SLC25A21: variants seen among roughly 807,000 people sequenced by gnomAD.
SLC25A21 encodes the protein mitochondrial 2-oxodicarboxylate carrier.
Under a neutral mutation model 43.8 loss-of-function variants are expected in SLC25A21, and 47 were observed. That is an observed-to-expected ratio of 1.07 (90% CI 0.85 to 1.37). The LOEUF is 1.37. SLC25A21 is among the 40% of genes most tolerant of loss of function. SLC25A21 has a pLI of 0.00. For synonymous variants in SLC25A21, 131 were observed against 121.3 expected (o/e 1.08, Z -0.52); for missense variants, 352 against 350.2 (o/e 1.00, Z -0.04).
chr14:36,690,605 G>C (rs959420360), intron 7 of SLC25A21, among the ~76,000 whole-genome samples: 2 of 152,198 alleles, frequency 1.3e-5, no homozygotes, highest in Non-Finnish European at 2.9e-5. Flanking sequence ...CTGGGTGCTA[G>C]AGTTGGATAT....
chr14:36,767,134 G>A (rs1460806523), intron 3 of SLC25A21, among the ~76,000 whole-genome samples: 1 of 152,042 alleles, frequency 6.6e-6, no homozygotes, highest in Non-Finnish European at 1.5e-5. Flanking sequence ...AGTGATTCTT[G>A]TGCTTGTTAA....
At chr14:37,060,448 G>T (rs189651978) in intron 1 of SLC25A21, among the ~76,000 whole-genome samples, 1 of 149,354 alleles carries the variant, frequency 6.7e-6, no homozygotes, top group African/African-American at 2.5e-5. Flanking sequence ...GAGAAGTAGG[G>T]CATGGTGGAA....
chr14:36,904,403 T>C (rs1471917484), intron 1 of SLC25A21, among the ~76,000 whole-genome samples: 2 of 152,162 alleles, frequency 1.3e-5, no homozygotes, highest in Non-Finnish European at 2.9e-5. Context: ...CAAGAGATTT[T>C]TGCAAGCCTA....
intron 3 of SLC25A21, among the ~76,000 whole-genome samples, chr14:36,775,976 T>C (rs1886804720): frequency 6.6e-6 from 1 of 152,138 alleles, no homozygotes; most frequent in Admixed American, 6.5e-5. Context: ...CACTAAGGGT[T>C]ACCACCTCAT....
In SLC25A21 at chr14:37,027,031, T is replaced by A. The variant is rs901385249; in HGVS notation, c.70+145250A>T. Among the ~76,000 whole-genome samples, 5 of 152,150 alleles carry A rather than the reference T, an allele frequency of 3.3e-5. No homozygotes were observed. In the East Asian group the frequency reaches 7.7e-4, roughly 23 times the overall value. On this transcript the variant is annotated intron_variant, in intron 1 of 9. Coordinates refer to ENST00000331299, the MANE Select transcript of SLC25A21 (RefSeq NM_030631.4). ...TCTTAGGAAATTGTTTAAGCTACCA[T>A]CTCCATGAAGTCACAAGGTCCTAAT...
At chr14:37,141,935 G>C (rs1303685676) in intron 1 of SLC25A21, among the ~76,000 whole-genome samples, 1 of 152,054 alleles carries the variant, frequency 6.6e-6, no homozygotes, top group African/African-American at 2.4e-5. Context: ...CTGATTCCTG[G>C]GTCCAATTCC....
At chr14:36,795,144 G>C (rs1487481572) in intron 3 of SLC25A21, among the ~76,000 whole-genome samples, 1 of 152,110 alleles carries the variant, frequency 6.6e-6, no homozygotes, top group Admixed American at 6.6e-5. Context: ...TGCTCTTTTT[G>C]TTATGGAGGC....
rs191157770 is a variant in SLC25A21 at position 36,883,493 on chromosome 14, C to T, written c.71-8489G>A. ...CTCTCTAGTGTGTACCAACTTCTAACATACTATATCATTTATCTATTCATT... is the reference window on the plus strand; with the variant it reads ...CTCTCTAGTGTGTACCAACTTCTAATATACTATATCATTTATCTATTCATT... On this transcript the variant is annotated intron_variant, in intron 1 of 9. Transcript: ENST00000331299. Among the ~76,000 whole-genome samples, 86 of 152,316 alleles carry T rather than the reference C, an allele frequency of 5.6e-4. 1 individual carries two copies. The highest frequency in any genetic ancestry group is 1.6e-3 in the Admixed American group (24 of 15,288).
intron 1 of SLC25A21, among the ~76,000 whole-genome samples, chr14:36,928,435 AT>A (rs35286747): frequency 0.51 from 77,559 of 151,000 alleles, 21,565 homozygotes; most frequent in Non-Finnish European, 0.62. Context: ...AAGTAGAGTG[AT>A]TTTTTTTTTG....
intron 6 of SLC25A21, among the ~76,000 whole-genome samples, chr14:36,721,503 A>G (rs1174002192): frequency 6.6e-6 from 1 of 152,194 alleles, no homozygotes; most frequent in African/African-American, 2.4e-5. Flanking sequence ...TACGCTATTC[A>G]AGGCCACACT....
intron 2 of SLC25A21, among the ~76,000 whole-genome samples, chr14:36,831,207 A>C (rs964145206): frequency 1.3e-5 from 2 of 152,244 alleles, no homozygotes; most frequent in African/African-American, 4.8e-5. Flanking sequence ...AGCTTAGGAA[A>C]TGGATTTATT....
At chr14:36,818,806 T>G (rs567771582) in intron 2 of SLC25A21, among the ~76,000 whole-genome samples, 1 of 152,338 alleles carries the variant, frequency 6.6e-6, no homozygotes, top group South Asian at 2.1e-4. Flanking sequence ...CTTAAAAGGT[T>G]TCTCTCTTGG....
chr14:37,081,505 A>C (rs1277394884), intron 1 of SLC25A21, among the ~76,000 whole-genome samples: 2 of 152,184 alleles, frequency 1.3e-5, no homozygotes, highest in East Asian at 3.9e-4. Context: ...GTTGTCTCCA[A>C]ATGGTCCCTG....
chr14:36,725,692 T>C lies in SLC25A21; in HGVS notation c.331-15A>G, dbSNP rs376127121. 4.5e-6 allele frequency: 7 copies of C among 1,552,976 alleles called. No individual in the cohort carries two copies. Among genetic ancestry groups the C allele is most frequent in the African/African-American group, 1.4e-5 (1 of 73,028 alleles). ...ATGGCGAATGTCTAGAAAAATTAAATCAATCAATACTTTAAAACAAGTTAT... is the reference window on the plus strand; with the variant it reads ...ATGGCGAATGTCTAGAAAAATTAAACCAATCAATACTTTAAAACAAGTTAT... On this transcript the variant is annotated splice_polypyrimidine_tract_variant and intron_variant, in intron 5 of 9. Transcript: ENST00000331299.
At chr14:37,067,400 T>C (rs962197829) in intron 1 of SLC25A21, among the ~76,000 whole-genome samples, 3 of 152,146 alleles carry the variant, frequency 2.0e-5, no homozygotes, top group Admixed American at 2.0e-4. Flanking sequence ...ATTATATACA[T>C]AGGTATTAAA....
At chr14:36,736,516 C>T (rs186544089) in intron 3 of SLC25A21, among the ~76,000 whole-genome samples, 2 of 152,100 alleles carry the variant, frequency 1.3e-5, no homozygotes, top group East Asian at 1.9e-4. Flanking sequence ...AAAAGATAAA[C>T]GTGATTTTCT....
chr14:37,159,824 C>T (rs965165140), intron 1 of SLC25A21, among the ~76,000 whole-genome samples: 1 of 152,010 alleles, frequency 6.6e-6, no homozygotes, highest in Non-Finnish European at 1.5e-5. Context: ...ACTATTCATC[C>T]AACAGGCAAC....
intron 1 of SLC25A21, among the ~76,000 whole-genome samples, chr14:36,995,553 A>G (rs2022728): frequency 1.3e-5 from 2 of 152,216 alleles, no homozygotes; most frequent in Non-Finnish European, 2.9e-5. Flanking sequence ...GATTTTACAA[A>G]TCAAAGTTAT....
chr14:36,888,250 C>T (rs565511160), intron 1 of SLC25A21, among the ~76,000 whole-genome samples: 6 of 152,086 alleles, frequency 3.9e-5, no homozygotes, highest in Non-Finnish European at 8.8e-5. Flanking sequence ...TTTAACTTTG[C>T]TAATTGCAAA....
Sources: allele counts gnomAD v4.1 joint callset (sites outside exome capture counted in the v4.1 genomes callset), GRCh38; gene constraint gnomAD v4.1.1; transcripts MANE v1.5; gene names NCBI Gene and HGNC (gene_info 2026-07-23, HGNC 2026-07-21).